Variants in RALGPS2 observed in about 807,000 individuals in gnomAD.
RALGPS2 encodes the protein ras-specific guanine nucleotide-releasing factor RalGPS2.
A neutral mutation model predicts 86.8 loss-of-function variants in RALGPS2; 43 were observed. The observed-to-expected ratio is 0.50, with a 90% CI of 0.39 to 0.64. RALGPS2 has a LOEUF of 0.64. Among genes scored for constraint, RALGPS2 ranks in the 30% least tolerant of loss-of-function variants. The probability of loss-of-function intolerance (pLI) is 0.00; values close to 1 mark genes in which losing one functional copy is unlikely to be tolerated. For synonymous variants in RALGPS2, 243 were observed against 231.3 expected (o/e 1.05, Z -0.46); for missense variants, 536 against 694.6 (o/e 0.77, Z 2.57).
intron 8 of RALGPS2, among the ~76,000 whole-genome samples, chr1:178,854,092 A>G (rs953007755): frequency 6.6e-6 from 1 of 152,092 alleles, no homozygotes; most frequent in African/African-American, 2.4e-5. Context: ...TCTCCATTCT[A>G]GCTGCATAAT....
At chr1:178,884,343 T>C (rs887199159) in intron 11 of RALGPS2, among the ~76,000 whole-genome samples, 3 of 152,194 alleles carry the variant, frequency 2.0e-5, no homozygotes, top group African/African-American at 7.2e-5. Flanking sequence ...CAAATAATTT[T>C]TTAAAAAACA....
chr1:178,764,363 AT>A (rs1329787140), intron 1 of RALGPS2, among the ~76,000 whole-genome samples: 1 of 152,080 alleles, frequency 6.6e-6, no homozygotes, highest in African/African-American at 2.4e-5. Context: ...GTGCCATTGC[AT>A]TTGAGATGGG....
At chr1:178,786,946 G>A (rs890599438) in intron 4 of RALGPS2, among the ~76,000 whole-genome samples, 4 of 151,786 alleles carry the variant, frequency 2.6e-5, no homozygotes, top group Admixed American at 2.6e-4. Context: ...GGGGTGGGCC[G>A]AAATGATCGT....
chr1:178,801,319 C>T (rs1467524244), intron 4 of RALGPS2, among the ~76,000 whole-genome samples: 2 of 152,026 alleles, frequency 1.3e-5, no homozygotes, highest in Non-Finnish European at 2.9e-5. Flanking sequence ...ATTTAATCTA[C>T]TGTGTTTTAA....
chr1:178,744,974 G>A (rs1048633214), intron 1 of RALGPS2, among the ~76,000 whole-genome samples: 4 of 152,196 alleles, frequency 2.6e-5, no homozygotes, highest in African/African-American at 9.7e-5. Flanking sequence ...GTGGATTACA[G>A]AATCAGTCTG....
chr1:178,885,122 A>G lies in RALGPS2; in HGVS notation c.951A>G (p.Ala317=). 1.2e-6 allele frequency: 2 copies of G among 1,612,562 alleles called. No individual in the cohort carries two copies. The highest frequency in any genetic ancestry group is 1.7e-6 in the Non-Finnish European group (2 of 1,179,536). The change falls in exon 12 of 20, where the codon GCA becomes GCG. Residue 317 remains alanine, a synonymous_variant. Coordinates refer to ENST00000367635, the MANE Select transcript of RALGPS2 (RefSeq NM_152663.5). The part of the protein sequence containing the change: ...ASPQSGRKSV[A]AEGALLPQTP... The stretch of plus-strand genomic sequence containing the variant: ...CACAGAGTGGACGAAAAAGTGTGGC[A>G]GCTGAAGGAGCCTTGCTCCCACAGA...
chr1:178,828,959 T>C (rs914448869), intron 7 of RALGPS2, among the ~76,000 whole-genome samples: 8 of 152,180 alleles, frequency 5.3e-5, no homozygotes, highest in African/African-American at 1.7e-4. Flanking sequence ...GTCAAAGAGA[T>C]ATCTGCACTC....
intron 10 of RALGPS2, chr1:178,879,264 C>G (rs1489489410): frequency 7.5e-6 from 2 of 266,770 alleles, no homozygotes; most frequent in Non-Finnish European, 1.3e-5. Context: ...TTCCTTTCCC[C>G]CATATTCAAT....
chr1:178,853,710 T>A (rs754656581), intron 8 of RALGPS2: 15 of 1,612,596 alleles, frequency 9.3e-6, no homozygotes, highest in Non-Finnish European at 1.3e-5. Context: ...GGTCCATTGC[T>A]GTTTTCAGGT....
chr1:178,832,659 T>C (rs1656082799), intron 7 of RALGPS2, among the ~76,000 whole-genome samples: 1 of 151,956 alleles, frequency 6.6e-6, no homozygotes, highest in Admixed American at 6.6e-5. Flanking sequence ...TGAAATCTAA[T>C]GTAGTAATGA....
chr1:178,739,021 C>T (rs1385571356), intron 1 of RALGPS2, among the ~76,000 whole-genome samples: 1 of 152,156 alleles, frequency 6.6e-6, no homozygotes, highest in Non-Finnish European at 1.5e-5. Context: ...TTAAGCTACA[C>T]TTTTGTGTAT....
chr1:178,916,417 TAA>T lies in RALGPS2; in HGVS notation c.*61_*62del. On this transcript the variant is annotated 3_prime_UTR_variant, in exon 20 of 20. Coordinates refer to ENST00000367635, the MANE Select transcript of RALGPS2 (RefSeq NM_152663.5). ...CTTCTACGTGAGCATGAGGACCTGA[TAA>T]AAGAGCGCCAGCTATAAACCATCCT... The T allele has an allele frequency of 6.7e-7, 1 of 1,491,174 alleles. No individual in the cohort carries two copies. The highest frequency in any genetic ancestry group is 1.8e-5 in the Admixed American group (1 of 54,914). 92.4% of individuals were successfully genotyped at this position (1,491,174 alleles called of 1,614,324 possible). A position where few individuals can be genotyped will look rare whatever the true frequency, so the allele number is the denominator to read the frequency against.
intron 1 of RALGPS2, among the ~76,000 whole-genome samples, chr1:178,735,915 G>A (rs1389560778): frequency 6.6e-6 from 1 of 151,882 alleles, no homozygotes; most frequent in African/African-American, 2.4e-5. Flanking sequence ...GAGCATTTAG[G>A]TTGTTTCTTT....
chr1:178,906,726 G>A (rs746953628), intron 18 of RALGPS2, 50 bp from the exon 19 acceptor site: 1 of 1,441,308 alleles, frequency 6.9e-7, no homozygotes, highest in Non-Finnish European at 9.7e-7. Context: ...GAATTATTAT[G>A]TGTCGTCCTT....
intron 1 of RALGPS2, among the ~76,000 whole-genome samples, chr1:178,744,032 C>T (rs1391548039): frequency 6.6e-6 from 1 of 152,170 alleles, no homozygotes; most frequent in African/African-American, 2.4e-5. Flanking sequence ...TACCTTCTTA[C>T]TCAAACTAGA....
chr1:178,902,093 T>C lies in RALGPS2; in HGVS notation c.1525-13T>C, dbSNP rs1354355455. 1 of 1,598,046 alleles carries C rather than the reference T, an allele frequency of 6.3e-7. No homozygotes were observed. Among genetic ancestry groups the C allele is most frequent in the Non-Finnish European group, 8.6e-7 (1 of 1,166,268 alleles). Reference sequence around the variant, plus strand: ...AATTTTCTGTTTCCGCTAATTATCTTTTTTTCTCTCAGTTCAAATCAACAT... The same window carrying C: ...AATTTTCTGTTTCCGCTAATTATCTCTTTTTCTCTCAGTTCAAATCAACAT... On this transcript the variant is annotated splice_polypyrimidine_tract_variant and intron_variant, in intron 17 of 19. Coordinates refer to ENST00000367635, the MANE Select transcript of RALGPS2 (RefSeq NM_152663.5).
intron 1 of RALGPS2, among the ~76,000 whole-genome samples, chr1:178,731,030 G>C (rs1650317183): frequency 6.6e-6 from 1 of 151,970 alleles, no homozygotes; most frequent in Admixed American, 6.6e-5. Context: ...ATTTTCCTGT[G>C]ATCTCTGGAT....
At chr1:178,840,484 T>A (rs564813921) in intron 8 of RALGPS2, among the ~76,000 whole-genome samples, 3 of 152,130 alleles carry the variant, frequency 2.0e-5, no homozygotes, top group Non-Finnish European at 2.9e-5. Flanking sequence ...CCAGAATCTC[T>A]GGGACACATT....
intron 8 of RALGPS2, among the ~76,000 whole-genome samples, chr1:178,837,430 A>G (rs1318609257): frequency 6.6e-6 from 1 of 152,190 alleles, no homozygotes; most frequent in Non-Finnish European, 1.5e-5. Context: ...ACACTGCGGT[A>G]CCACACTACA....
Sources: gnomAD v4.1 joint callset for allele counts (sites outside exome capture counted in the v4.1 genomes callset) on GRCh38, gnomAD v4.1.1 for gene constraint, MANE v1.5 for transcripts, NCBI Gene and HGNC (gene_info 2026-07-23, HGNC 2026-07-21) for gene names.